The following KCNJ6 variants were observed in gnomAD, a reference collection of about 807,000 sequenced individuals.
KCNJ6 encodes G protein-activated inward rectifier potassium channel 2.
Under a neutral mutation model 34.2 loss-of-function variants are expected in KCNJ6, and 9 were observed. That is an observed-to-expected ratio of 0.26 (90% CI 0.16 to 0.46). The LOEUF is 0.46. Among genes scored for constraint, KCNJ6 ranks in the 20% least tolerant of loss-of-function variants. The pLI is 1.00. For missense variants in KCNJ6, 236 were observed against 531.3 expected, an observed-to-expected ratio of 0.44 and a Z score of 5.46; for synonymous variants, 196 against 207.1, an observed-to-expected ratio of 0.95 and a Z score of 0.46.
chr21:37,804,028 A>T (rs1411259068), intron 2 of KCNJ6, among the ~76,000 whole-genome samples: 4 of 152,166 alleles, frequency 2.6e-5, no homozygotes, highest in Admixed American at 6.5e-5. Flanking sequence ...GCCCCCAGTT[A>T]AAAAAATGGG....
At chr21:37,626,130 CT>C (rs10649366) in intron 3 of KCNJ6, among the ~76,000 whole-genome samples, 60 of 143,024 alleles carry the variant, frequency 4.2e-4, no homozygotes, top group Non-Finnish European at 5.0e-4. Context: ...TTTCCCCCTT[CT>C]TTTTTTTTTT....
At chr21:37,885,225 G>T (rs879600387) in intron 1 of KCNJ6, among the ~76,000 whole-genome samples, 1 of 152,138 alleles carries the variant, frequency 6.6e-6, no homozygotes, top group African/African-American at 2.4e-5. Flanking sequence ...GGCTCATGGG[G>T]TCCTCTTGGG....
chr21:37,873,731 C>G (rs2055664181), intron 1 of KCNJ6, among the ~76,000 whole-genome samples: 1 of 152,194 alleles, frequency 6.6e-6, no homozygotes, highest in South Asian at 2.1e-4. Flanking sequence ...TCTCCCCATC[C>G]TCACTCTTAG....
chr21:37,777,611 A>C (rs1294670171), intron 2 of KCNJ6, among the ~76,000 whole-genome samples: 1 of 152,206 alleles, frequency 6.6e-6, no homozygotes, highest in Non-Finnish European at 1.5e-5. Context: ...TATTATGCTC[A>C]GTTGACTCAA....
At chr21:37,780,636 C>A (rs1478450888) in intron 2 of KCNJ6, among the ~76,000 whole-genome samples, 1 of 152,138 alleles carries the variant, frequency 6.6e-6, no homozygotes, top group African/African-American at 2.4e-5. Flanking sequence ...TCAATGTTTC[C>A]ATAAACCTAA....
chr21:37,710,748 A>G (rs949360307), intron 3 of KCNJ6, among the ~76,000 whole-genome samples: 5 of 152,160 alleles, frequency 3.3e-5, no homozygotes, highest in African/African-American at 1.2e-4. Context: ...TTTAACACAC[A>G]TGGGCCACAG....
rs1210777288 is a variant in KCNJ6 at position 37,622,266 on chromosome 21, T to G, written c.*2893A>C. On this transcript the variant is annotated 3_prime_UTR_variant, in exon 4 of 4. Transcript: ENST00000609713. Reference sequence around the variant, plus strand: ...TGTATTAAAAGAGACTTTTAAAAAATTCTCATTGCACTTGGTTTGCTAATG... The same window carrying G: ...TGTATTAAAAGAGACTTTTAAAAAAGTCTCATTGCACTTGGTTTGCTAATG... 6.6e-6 allele frequency: 1 copy of G among 152,172 alleles called. No individual in the cohort carries two copies. Among genetic ancestry groups the G allele is most frequent in the African/African-American group, 2.4e-5 (1 of 41,446 alleles). The allele number at this position is 152,172 out of a possible 1,614,324, so 9.4% of individuals were successfully genotyped here.
chr21:37,780,280 A>G (rs2055162979), intron 2 of KCNJ6, among the ~76,000 whole-genome samples: 1 of 152,154 alleles, frequency 6.6e-6, no homozygotes, highest in Admixed American at 6.6e-5. Context: ...GGAGGTAGTA[A>G]AAAGATCAGC....
At chr21:37,745,538 A>G (rs1272843174) in intron 2 of KCNJ6, among the ~76,000 whole-genome samples, 1 of 152,212 alleles carries the variant, frequency 6.6e-6, no homozygotes. Flanking sequence ...AGAAAGGAAC[A>G]CAGCCCTGAT....
intron 1 of KCNJ6, among the ~76,000 whole-genome samples, chr21:37,860,844 G>C (rs898408575): frequency 8.0e-6 from 1 of 124,940 alleles, no homozygotes; most frequent in East Asian, 2.2e-4. Context: ...TGTTTTCCCT[G>C]CTTAATTTAT....
chr21:37,830,746 G>A (rs1171145778), intron 2 of KCNJ6, among the ~76,000 whole-genome samples: 1 of 152,122 alleles, frequency 6.6e-6, no homozygotes, highest in Non-Finnish European at 1.5e-5. Flanking sequence ...TGAATTTTTA[G>A]GTAACAGTTT....
Position 37,624,948 on chromosome 21 carries a change from C to T in KCNJ6, c.*211G>A. 1.7e-6 allele frequency: 1 copy of T among 580,030 alleles called. No individual in the cohort carries two copies. Among genetic ancestry groups the T allele is most frequent in the Admixed American group, 3.1e-5 (1 of 32,392 alleles). The allele number at this position is 580,030 out of a possible 1,614,324, so 35.9% of individuals were successfully genotyped here. On this transcript the variant is annotated 3_prime_UTR_variant, in exon 4 of 4. Transcript: ENST00000609713. ...GGGCCACAAATGAGGGCACTTTGCA[C>T]TTTCATCAAATCCATGTCTACCTTG...
At chr21:37,722,361 T>C (rs1006977408) in intron 2 of KCNJ6, among the ~76,000 whole-genome samples, 3 of 152,202 alleles carry the variant, frequency 2.0e-5, no homozygotes, top group Admixed American at 2.0e-4. Flanking sequence ...AACAGCCATA[T>C]TGCCCAAAGC....
rs549899636 is a variant in KCNJ6 at position 37,668,292 on chromosome 21, G to C, written c.947-42808C>G. On this transcript the variant is annotated intron_variant, in intron 3 of 3. Transcript: ENST00000609713. ...TTGGAGGAGTGCTAGTGCCCCAGGGGTAATGGGAGCCTGTAGGAGCTCCCC... is the reference window on the plus strand; with the variant it reads ...TTGGAGGAGTGCTAGTGCCCCAGGGCTAATGGGAGCCTGTAGGAGCTCCCC... Among the ~76,000 whole-genome samples the C allele has an allele frequency of 3.3e-5, 5 of 152,196 alleles. No homozygotes were observed. The South Asian group carries it at 8.3e-4, about 25-fold the overall frequency.
intron 3 of KCNJ6, among the ~76,000 whole-genome samples, chr21:37,634,433 C>G (rs1044012973): frequency 6.6e-6 from 1 of 152,178 alleles, no homozygotes; most frequent in Non-Finnish European, 1.5e-5. Flanking sequence ...CCTGCAGAAT[C>G]AAGAACCAAA....
chr21:37,877,758 G>C (rs1212365314), intron 1 of KCNJ6, among the ~76,000 whole-genome samples: 1 of 152,240 alleles, frequency 6.6e-6, no homozygotes, highest in Non-Finnish European at 1.5e-5. Context: ...CCTCTCCAGA[G>C]GCTGATTTCC....
chr21:37,798,174 G>A (rs1329929355), intron 2 of KCNJ6, among the ~76,000 whole-genome samples: 1 of 152,210 alleles, frequency 6.6e-6, no homozygotes, highest in African/African-American at 2.4e-5. Flanking sequence ...GAAGCCTAGA[G>A]ATGGGAAGTA....
In KCNJ6 at chr21:37,906,528, C is replaced by T. The variant is rs559754190; in HGVS notation, c.-28+9356G>A. Among the ~76,000 whole-genome samples, 205 of 152,322 alleles carry T rather than the reference C, an allele frequency of 1.3e-3. 2 individuals are homozygous for T. Among genetic ancestry groups the T allele is most frequent in the African/African-American group, 4.8e-3 (198 of 41,566 alleles). On this transcript the variant is annotated intron_variant, in intron 1 of 3. Coordinates refer to ENST00000609713, the MANE Select transcript of KCNJ6 (RefSeq NM_002240.5). ...GATGATTGGCCCTGTCCTCAGGGTT[C>T]CTGATCCAGTAGATCGGGGGGTGAG... is the stretch of plus-strand genomic sequence containing the variant.
chr21:37,675,459 T>C lies in KCNJ6; in HGVS notation c.946+38752A>G, dbSNP rs751452200. On this transcript the variant is annotated intron_variant, in intron 3 of 3. Coordinates refer to ENST00000609713, the MANE Select transcript of KCNJ6 (RefSeq NM_002240.5). This position sits in a 1 kb window ranked among gnomAD's most constrained non-coding sequence, Gnocchi z 4.2. ...GGTACGGTGCGGGTTTCTGGTGCGCTGACCGCGCTGGGGATGAGCACCACT... is the reference window on the plus strand; with the variant it reads ...GGTACGGTGCGGGTTTCTGGTGCGCCGACCGCGCTGGGGATGAGCACCACT... Among the ~76,000 whole-genome samples, 1 of 151,966 alleles carries C rather than the reference T, an allele frequency of 6.6e-6. No homozygotes were observed. Among genetic ancestry groups the C allele is most frequent in the Non-Finnish European group, 1.5e-5 (1 of 67,974 alleles).
Sources: allele counts gnomAD v4.1 joint callset (sites outside exome capture counted in the v4.1 genomes callset), GRCh38; gene constraint gnomAD v4.1.1; non-coding constraint Gnocchi (gnomAD v3.1); transcripts MANE v1.5; gene names NCBI Gene and HGNC (gene_info 2026-07-23, HGNC 2026-07-21).